The following GINS4 variants were observed in gnomAD, a reference collection of about 807,000 sequenced individuals.
The protein encoded by GINS4 is DNA replication complex GINS protein SLD5.
GINS4 carries 20 observed loss-of-function variants against 31.1 expected under a neutral mutation model. The observed-to-expected ratio is 0.64, with a 90% confidence interval of 0.45 to 0.93. The LOEUF is 0.93. GINS4 is among the 40% of genes least tolerant of loss of function. The pLI is 0.00. For missense variants in GINS4, 245 were observed against 273.9 expected (o/e 0.89, Z 0.75); for synonymous variants, 85 against 97.9 (o/e 0.87, Z 0.78).
chr8:41,537,449 G>A (rs546697366), intron 4 of GINS4, 156 bp downstream of exon 4: 250 of 579,022 alleles, frequency 4.3e-4, no homozygotes, highest in Admixed American at 2.2e-3. Context: ...TAAGGAGAGC[G>A]AGAGATTGCT....
Position 41,543,887 on chromosome 8 carries a change from A to G in GINS4, c.*1800A>G, listed in dbSNP as rs1806888255. The stretch of plus-strand genomic sequence containing the variant: ...CACCCAACTAATTTTTTGTATTTTT[A>G]GTAGAGATGGGGTTTCATGATGTTG... On this transcript the variant is annotated 3_prime_UTR_variant, in exon 8 of 8. Coordinates refer to ENST00000276533, the MANE Select transcript of GINS4 (RefSeq NM_032336.3). 2 of 152,054 alleles carry G rather than the reference A, an allele frequency of 1.3e-5. No homozygotes were observed. The highest frequency in any genetic ancestry group is 2.9e-5 in the Non-Finnish European group (2 of 68,040). The allele number at this position is 152,054 out of a possible 1,614,324, so 9.4% of individuals were successfully genotyped here.
intron 6 of GINS4, among the ~76,000 whole-genome samples, chr8:41,540,784 C>G (rs191553805): frequency 6.6e-6 from 1 of 152,344 alleles, no homozygotes; most frequent in East Asian, 1.9e-4. Flanking sequence ...CTCTGCCCAG[C>G]CTGTGCTGGG....
intron 2 of GINS4, among the ~76,000 whole-genome samples, chr8:41,534,001 C>T (rs1353333557): frequency 6.6e-6 from 1 of 152,122 alleles, no homozygotes; most frequent in Admixed American, 6.6e-5. Context: ...TCTTTAAAGA[C>T]CTCCATCTCC....
chr8:41,540,175 T>C (rs1806812971), intron 6 of GINS4, among the ~76,000 whole-genome samples, 171 bp downstream of exon 6: 1 of 152,184 alleles, frequency 6.6e-6, no homozygotes, highest in Non-Finnish European at 1.5e-5. Context: ...GCAGATCCAA[T>C]GGTAGGCATT....
Position 41,542,242 on chromosome 8 carries a change from G to A in GINS4, c.*155G>A. The A allele has an allele frequency of 1.6e-6, 1 of 633,848 alleles. No homozygotes were observed. Among genetic ancestry groups the A allele is most frequent in the Non-Finnish European group, 2.9e-6 (1 of 349,802 alleles). 39.3% of individuals were successfully genotyped at this position (633,848 alleles called of 1,614,324 possible). A position where few individuals can be genotyped will look rare whatever the true frequency, so the allele number is the denominator to read the frequency against. On this transcript the variant is annotated 3_prime_UTR_variant, in exon 8 of 8. Coordinates refer to ENST00000276533, the MANE Select transcript of GINS4 (RefSeq NM_032336.3). The stretch of plus-strand genomic sequence containing the variant: ...CTAAAAATACAAAATAATTAGCCGG[G>A]TGTTGGTGGTGTGCACCTGTAATCC...
In GINS4 at chr8:41,536,389, G is replaced by C. The variant is rs759227522; in HGVS notation, c.126G>C (p.Glu42Asp). 2 of 1,612,260 alleles carry C rather than the reference G, an allele frequency of 1.2e-6. No homozygotes were observed. The highest frequency in any genetic ancestry group is 2.7e-5 in the African/African-American group (2 of 74,984). Residue 42 changes from glutamate (E) to aspartate (D), a missense_variant, in exon 3 of 8, where the codon GAG becomes GAC. Coordinates refer to ENST00000276533, the MANE Select transcript of GINS4 (RefSeq NM_032336.3). Reference protein sequence around the residue: ...QAWMNEKFAPELLESKPEIVE... With the variant: ...QAWMNEKFAPDLLESKPEIVE... Reference sequence around the variant, plus strand: ...GGATGAATGAAAAGTTTGCCCCTGAGCTGCTGGAGAGCAAGCCTGAGATTG... The same window carrying C: ...GGATGAATGAAAAGTTTGCCCCTGACCTGCTGGAGAGCAAGCCTGAGATTG...
intron 3 of GINS4, among the ~76,000 whole-genome samples, chr8:41,536,724 C>A (rs924555190): frequency 3.9e-5 from 6 of 152,232 alleles, no homozygotes; most frequent in Non-Finnish European, 7.3e-5. Flanking sequence ...CATCCATGTA[C>A]TCCCTGCTCC....
chr8:41,540,809 A>G (rs1256633959), intron 6 of GINS4, among the ~76,000 whole-genome samples: 1 of 152,222 alleles, frequency 6.6e-6, no homozygotes, highest in Non-Finnish European at 1.5e-5. Context: ...GGGACCACAC[A>G]GCCACCCCTG....
At position 41,542,416 on chromosome 8, in the gene GINS4, T is replaced by G; in HGVS notation, c.*329T>G. 1 of 330,590 alleles carries G rather than the reference T, an allele frequency of 3.0e-6. No individual in the cohort carries two copies. The highest frequency in any genetic ancestry group is 5.6e-6 in the Non-Finnish European group (1 of 177,860). 20.5% of individuals were successfully genotyped at this position (330,590 alleles called of 1,614,324 possible). On this transcript the variant is annotated 3_prime_UTR_variant, in exon 8 of 8. Transcript: ENST00000276533. The stretch of plus-strand genomic sequence containing the variant: ...AACAAAAAACAAAAAAAAAACAAAC[T>G]AGGCATAAACTCATGAGGTCAGGAG...
At position 41,530,259 on chromosome 8, in the gene GINS4, G is replaced by T; in HGVS notation, c.57G>T (p.Val19=). ...ACTCTGATGGGGGTAGTGAGGAAGT[G>T]GTCCTAACTCCTGCAGAGCTCATTG... is the stretch of plus-strand genomic sequence containing the variant. ...GQDSDGGSEE[V]VLTPAELIER... The change falls in exon 2 of 8, where the codon GTG becomes GTT. Residue 19 remains valine, a synonymous_variant. Transcript: ENST00000276533. The T allele has an allele frequency of 6.2e-7, 1 of 1,613,882 alleles. No individual in the cohort carries two copies. Among genetic ancestry groups the T allele is most frequent in the Non-Finnish European group, 8.5e-7 (1 of 1,179,822 alleles).
chr8:41,539,872 C>T, intron 5 of GINS4, 44 bp from the exon 6 acceptor site: 1 of 1,589,336 alleles, frequency 6.3e-7, no homozygotes, highest in Non-Finnish European at 8.6e-7. Context: ...CTTGGACGTC[C>T]ATCAGCTGTG....
At chr8:41,536,567 T>A (rs1010465971) in intron 3 of GINS4, 121 bp downstream of exon 3, 1 of 629,242 alleles carries the variant, frequency 1.6e-6, no homozygotes, top group Admixed American at 2.9e-5. Context: ...ACAGTCCAGT[T>A]CTTTAAAACA....
At chr8:41,531,551 T>A (rs1210732873) in intron 2 of GINS4, among the ~76,000 whole-genome samples, 1 of 152,230 alleles carries the variant, frequency 6.6e-6, no homozygotes, top group Admixed American at 6.5e-5. Context: ...TTTTAAATTA[T>A]ACCTTACATG....
intron 2 of GINS4, among the ~76,000 whole-genome samples, chr8:41,533,068 A>C (rs28593205): frequency 0.1 from 15,446 of 152,236 alleles, 868 homozygotes; most frequent in Middle Eastern, 0.14. Flanking sequence ...AAAAATTAAA[A>C]TAACCTAGAC....
rs917763751 is a variant in GINS4 at position 41,544,437 on chromosome 8, C to T, written c.*2350C>T. On this transcript the variant is annotated 3_prime_UTR_variant, in exon 8 of 8. Coordinates refer to ENST00000276533, the MANE Select transcript of GINS4 (RefSeq NM_032336.3). ...TCCCTGTAGTGCTAAGCCCAGAGAC[C>T]TGAGCTGTTAACCTAGAACAGTGTG... 2.0e-5 allele frequency: 3 copies of T among 152,204 alleles called. No individual in the cohort carries two copies. Among genetic ancestry groups the T allele is most frequent in the African/African-American group, 7.2e-5 (3 of 41,440 alleles). The allele number at this position is 152,204 out of a possible 1,614,324, so 9.4% of individuals were successfully genotyped here. A position where few individuals can be genotyped will look rare whatever the true frequency, so the allele number is the denominator to read the frequency against.
rs775273120 is a variant in GINS4 at position 41,537,133 on chromosome 8, T to C, written c.184-47T>C. 2.4e-6 allele frequency: 3 copies of C among 1,270,438 alleles called. No individual in the cohort carries two copies. The South Asian group carries it at 3.7e-5, about 16-fold the overall frequency. 78.7% of individuals were successfully genotyped at this position (1,270,438 alleles called of 1,614,324 possible). A position where few individuals can be genotyped will look rare whatever the true frequency, so the allele number is the denominator to read the frequency against. On this transcript the variant is annotated intron_variant, in intron 3 of 7. Coordinates refer to ENST00000276533, the MANE Select transcript of GINS4 (RefSeq NM_032336.3). ...GGGTCCTCAACGTTGCCGGTGATGA[T>C]GGTTGAACATCATGTTTTTTATAAA... is the stretch of plus-strand genomic sequence containing the variant.
chr8:41,536,324 G>A (rs1461790484), intron 2 of GINS4, 36 bp from the exon 3 acceptor site: 2 of 1,296,560 alleles, frequency 1.5e-6, no homozygotes, highest in Non-Finnish European at 2.2e-6. Context: ...GCTCTGTGGT[G>A]GGTGATGCTT....
intron 2 of GINS4, chr8:41,534,271 G>A (rs1284600323): frequency 2.3e-6 from 1 of 430,882 alleles, no homozygotes; most frequent in South Asian, 1.7e-5. Context: ...GCCAGGCTTT[G>A]TGGTATGTAC....
chr8:41,541,753 C>G, intron 6 of GINS4, 56 bp from the exon 7 acceptor site: 1 of 1,423,366 alleles, frequency 7.0e-7, no homozygotes, highest in Non-Finnish European at 9.9e-7. Context: ...GCAACTTTTA[C>G]TTTGTTGACT....
Sources: allele counts gnomAD v4.1 joint callset (sites outside exome capture counted in the v4.1 genomes callset), GRCh38; gene constraint gnomAD v4.1.1; transcripts MANE v1.5; gene names NCBI Gene and HGNC (gene_info 2026-07-23, HGNC 2026-07-21).